Variants in TNK2 observed in about 807,000 individuals in gnomAD.
TNK2 encodes the protein tyrosine kinase non receptor 2.
In TNK2, 83 loss-of-function variants were observed where a neutral mutation model predicts 101.8. That is an observed-to-expected ratio of 0.82 (90% CI 0.68 to 0.98). TNK2 has a LOEUF of 0.98. Among genes scored for constraint, TNK2 ranks in the 50% least tolerant of loss-of-function variants. The probability of loss-of-function intolerance (pLI) is 0.00; values close to 1 mark genes in which losing one functional copy is unlikely to be tolerated. For missense variants in TNK2, 1,665 were observed against 1,483.2 expected, an observed-to-expected ratio of 1.12 and a Z score of -2.01; for synonymous variants, 804 against 633.0, an observed-to-expected ratio of 1.27 and a Z score of -4.06.
At chr3:195,895,149 C>A in intron 1 of TNK2, 1 of 1,248,498 alleles carries the variant, frequency 8.0e-7, no homozygotes, top group Non-Finnish European at 1.1e-6. Flanking sequence ...ACTCTCACTC[C>A]TGAGGCCGCC....
intron 1 of TNK2, chr3:195,895,609 G>C: frequency 7.7e-7 from 1 of 1,302,180 alleles, no homozygotes. Context: ...TGCCAGCCCC[G>C]GGCTGACCCC....
rs1021931457 is a variant in TNK2 at position 195,870,520 on chromosome 3, G to A, written c.1452-315C>T. ...AGCCCACACCAGGCAGCGGCCAGAGGGCAGACACTCCTGTCCCGCAGGCCA... is the reference window on the plus strand; with the variant it reads ...AGCCCACACCAGGCAGCGGCCAGAGAGCAGACACTCCTGTCCCGCAGGCCA... On this transcript the variant is annotated intron_variant, in intron 10 of 15. Transcript: ENST00000672887. The A allele has an allele frequency of 3.2e-5, 23 of 711,670 alleles. No homozygotes were observed. The Admixed American group carries it at 6.7e-4, about 21-fold the overall frequency. The allele number at this position is 711,670 out of a possible 1,614,324, so 44.1% of individuals were successfully genotyped here. A position where few individuals can be genotyped will look rare whatever the true frequency, so the allele number is the denominator to read the frequency against.
intron 1 of TNK2, among the ~76,000 whole-genome samples, chr3:195,898,509 C>G (rs941339617): frequency 1.4e-4 from 21 of 152,358 alleles, no homozygotes; most frequent in African/African-American, 4.6e-4. Context: ...CGCACGCCCT[C>G]TGGGCTGCAC....
intron 6 of TNK2, among the ~76,000 whole-genome samples, chr3:195,879,809 A>G (rs1298968319): frequency 6.6e-6 from 1 of 152,062 alleles, no homozygotes; most frequent in Non-Finnish European, 1.5e-5. Flanking sequence ...GGGGCCGGGA[A>G]AGTCACTCGA....
rs1757248403 is a variant in TNK2 at position 195,888,910 on chromosome 3, T to C, written c.-18-304A>G. On this transcript the variant is annotated intron_variant, in intron 1 of 15. Coordinates refer to ENST00000672887, the MANE Select transcript of TNK2 (RefSeq NM_001382273.1). The surrounding 1 kb of genome is among the most constrained non-coding windows in gnomAD (Gnocchi z 5.3). ...GATCAACCTGTGCTCACATTCCTGCTCTAAGTTTCTAGGGGTCGAAAGTCC... is the reference window on the plus strand; with the variant it reads ...GATCAACCTGTGCTCACATTCCTGCCCTAAGTTTCTAGGGGTCGAAAGTCC... Among the ~76,000 whole-genome samples, 1 of 152,132 alleles carries C rather than the reference T, an allele frequency of 6.6e-6. No homozygotes were observed. Among genetic ancestry groups the C allele is most frequent in the African/African-American group, 2.4e-5 (1 of 41,418 alleles).
rs1368207572 is a variant in TNK2, at chr3:195,868,330, A to T, written c.1968T>A (p.Asp656Glu). Residue 656 changes from aspartate to glutamate, a missense_variant, in exon 13 of 16, where the codon GAT becomes GAA. Transcript: ENST00000672887. The stretch of plus-strand genomic sequence containing the variant: ...TGGAGCAGATCTCAAAGTCATCCTC[A>T]TCCTGGGCCACGTCGTCATAGGCGG... ...PPPAYDDVAQDEDDFEICSIN... is the reference protein window; with the variant it reads ...PPPAYDDVAQEEDDFEICSIN... 2 of 1,602,128 alleles carry T rather than the reference A, an allele frequency of 1.2e-6. No individual in the cohort carries two copies. Among genetic ancestry groups the T allele is most frequent in the Non-Finnish European group, 1.7e-6 (2 of 1,179,014 alleles).
chr3:195,879,345 T>C, intron 6 of TNK2, 170 bp from the exon 7 acceptor site: 1 of 917,912 alleles, frequency 1.1e-6, no homozygotes, highest in Middle Eastern at 2.5e-4. Flanking sequence ...GACGACACGA[T>C]GCAGGGACTT....
Position 195,884,825 on chromosome 3 carries a change from G to T in TNK2, c.443C>A (p.Pro148His). 1 of 1,611,242 alleles carries T rather than the reference G, an allele frequency of 6.2e-7. No individual in the cohort carries two copies. Residue 148 changes from proline to histidine, a missense_variant, in exon 4 of 16, where the codon CCC becomes CAC. By Grantham distance (77) the Pro-to-His change is moderately conservative. Transcript: ENST00000672887. Reference sequence around the variant, plus strand: ...CAGAGAGCTCACCGTCTTCCCTGAGGGCGCGTCCCACTCGCCCCTGCGCAC... The same window carrying T: ...CAGAGAGCTCACCGTCTTCCCTGAGTGCGCGTCCCACTCGCCCCTGCGCAC... ...GVVRRGEWDAPSGKTVSVAVK... is the reference protein window; with the variant it reads ...GVVRRGEWDAHSGKTVSVAVK...
intron 1 of TNK2, among the ~76,000 whole-genome samples, chr3:195,899,944 C>G (rs1167554345): frequency 1.3e-5 from 2 of 152,144 alleles, no homozygotes; most frequent in Non-Finnish European, 2.9e-5. Context: ...CCTGGTTGCC[C>G]TCTCCCAGCC....
chr3:195,869,967 G>A lies in TNK2; in HGVS notation c.1543+147C>T, dbSNP rs529413692. ...CCTGTCTTCCACCCCACGCCCAGCC[G>A]GAGCCAGGGACACAGCTGTCCCGCC... On this transcript the variant is annotated intron_variant, in intron 11 of 15. Transcript: ENST00000672887. The A allele has an allele frequency of 1.3e-4, 85 of 651,292 alleles. 1 individual carries two copies. Among genetic ancestry groups the A allele is most frequent in the South Asian group, 4.8e-4 (20 of 41,492 alleles). The allele number at this position is 651,292 out of a possible 1,614,324, so 40.3% of individuals were successfully genotyped here. A position where few individuals can be genotyped will look rare whatever the true frequency, so the allele number is the denominator to read the frequency against.
chr3:195,879,356 G>A (rs1751150380), intron 6 of TNK2, 181 bp from the exon 7 acceptor site: 1 of 835,670 alleles, frequency 1.2e-6, no homozygotes, highest in African/African-American at 1.7e-5. Flanking sequence ...GCAGGGACTT[G>A]GGGAAATCGT....
chr3:195,884,883 G>A lies in TNK2; in HGVS notation c.385C>T (p.Leu129=), dbSNP rs1448435673. The part of the protein sequence containing the change: ...CLIGEKDLRL[L]EKLGDGSFGV... ...AAGGAACCATCACCCAGCTTCTCCA[G>A]GAGGCGCAGGTCCTTCTCCCCAATG... Residue 129 remains leucine (L), a synonymous_variant, in exon 4 of 16, where the codon CTG becomes TTG. Transcript: ENST00000672887. 6.2e-7 allele frequency: 1 copy of A among 1,613,984 alleles called. No homozygotes were observed. The highest frequency in any genetic ancestry group is 1.1e-5 in the South Asian group (1 of 91,088).
chr3:195,892,432 T>C, intron 1 of TNK2: 1 of 1,535,132 alleles, frequency 6.5e-7, no homozygotes, highest in Non-Finnish European at 8.7e-7. Context: ...GTCGCCGCAG[T>C]CTGGCCAGGA....
chr3:195,899,099 A>G (rs1760949370), intron 1 of TNK2, among the ~76,000 whole-genome samples: 1 of 152,160 alleles, frequency 6.6e-6, no homozygotes, highest in African/African-American at 2.4e-5. Flanking sequence ...GTCTCAATAA[A>G]TAAATAATAA....
chr3:195,872,023 C>CTCCCCTGGAGAACAT (rs1560489021), intron 10 of TNK2, among the ~76,000 whole-genome samples: 1 of 67,714 alleles, frequency 1.5e-5, no homozygotes, highest in Admixed American at 1.3e-4. Flanking sequence ...CTGGAGAACC[C>CTCCCCTGGAGAACAT]TCCCCTGGAG....
At position 195,868,478 on chromosome 3, in the gene TNK2, A is replaced by G; in HGVS notation, c.1820T>C (p.Leu607Pro). ...CAGCAGGGAGCAGGCGTCCATGGCC[A>G]GCTGCGCCAGGGAGGGCGCGCAGGG... ...LRPCAPSLAQ[L>P]AMDACSLLDE... Residue 607 changes from leucine (L) to proline (P), a missense_variant, in exon 13 of 16, where the codon CTG (leucine) becomes CCG (proline). Physicochemically the swap from Leu to Pro is moderately conservative, Grantham distance 98. Coordinates refer to ENST00000672887, the MANE Select transcript of TNK2 (RefSeq NM_001382273.1). 6.4e-7 allele frequency: 1 copy of G among 1,551,276 alleles called. No individual in the cohort carries two copies. The highest frequency in any genetic ancestry group is 8.6e-7 in the Non-Finnish European group (1 of 1,160,396).
At chr3:195,900,506 G>A (rs970934077) in intron 1 of TNK2, among the ~76,000 whole-genome samples, 10 of 152,186 alleles carry the variant, frequency 6.6e-5, no homozygotes, top group Non-Finnish European at 1.5e-4. Context: ...AAAGTACTGT[G>A]AAACCGTTTC....
rs73891162 is a variant in TNK2, at chr3:195,868,946, T to C, written c.1589-237A>G. Reference sequence around the variant, plus strand: ...CCCATGTGGGCCGGTGAGCCCCGCCTCGCTCCGTCTAAGCTGCAGCAAGCA... The same window carrying C: ...CCCATGTGGGCCGGTGAGCCCCGCCCCGCTCCGTCTAAGCTGCAGCAAGCA... On this transcript the variant is annotated intron_variant, in intron 12 of 15. Transcript: ENST00000672887. 2,649 of 556,640 alleles carry C rather than the reference T, an allele frequency of 4.8e-3. 59 individuals are homozygous for C. The highest frequency in any genetic ancestry group is 0.046 in the African/African-American group (2,330 of 50,884). The allele number at this position is 556,640 out of a possible 1,614,324, so 34.5% of individuals were successfully genotyped here.
At chr3:195,869,076 C>G (rs1437081685) in intron 12 of TNK2, 6 of 464,760 alleles carry the variant, frequency 1.3e-5, no homozygotes, top group African/African-American at 1.2e-4. Context: ...CCTGTCACGG[C>G]ACACCATTAG....
Sources: allele counts gnomAD v4.1 joint callset (sites outside exome capture counted in the v4.1 genomes callset), GRCh38; gene constraint gnomAD v4.1.1; non-coding constraint Gnocchi (gnomAD v3.1); transcripts MANE v1.5; gene names NCBI Gene and HGNC (gene_info 2026-07-23, HGNC 2026-07-21).